The following FSHR variants were observed in gnomAD, a reference collection of about 807,000 sequenced individuals.
The protein encoded by FSHR is follicle-stimulating hormone receptor.
Under a neutral mutation model 52.1 loss-of-function variants are expected in FSHR, and 46 were observed. The observed-to-expected ratio is 0.88, with a 90% CI of 0.70 to 1.13. FSHR has a LOEUF of 1.13. FSHR is among the 50% of genes most tolerant of loss of function. The pLI, the probability that FSHR is intolerant of heterozygous loss-of-function variation, is 0.00. For synonymous variants in FSHR, 399 were observed against 309.6 expected (o/e 1.29, Z -3.03); for missense variants, 964 against 834.6 (o/e 1.16, Z -1.91).
At chr2:49,080,096 AAAAG>A (rs1670111125) in intron 1 of FSHR, among the ~76,000 whole-genome samples, 1 of 152,210 alleles carries the variant, frequency 6.6e-6, no homozygotes, top group South Asian at 2.1e-4. Context: ...ACATGTAAAA[AAAAG>A]AAGATGTTCA....
intron 1 of FSHR, among the ~76,000 whole-genome samples, chr2:49,089,999 T>C (rs1258635059): frequency 6.6e-6 from 1 of 152,200 alleles, no homozygotes; most frequent in Non-Finnish European, 1.5e-5. Flanking sequence ...TGAACTAACA[T>C]TTATTGAAGC....
At chr2:48,978,522 G>C (rs1559089661) in intron 8 of FSHR, among the ~76,000 whole-genome samples, 1 of 152,200 alleles carries the variant, frequency 6.6e-6, no homozygotes, top group Admixed American at 6.5e-5. Flanking sequence ...TAAACCATCA[G>C]AATATGATTG....
chr2:48,971,940 A>G (rs1320785296), intron 8 of FSHR, among the ~76,000 whole-genome samples: 2 of 152,244 alleles, frequency 1.3e-5, no homozygotes, highest in Middle Eastern at 3.4e-3. Flanking sequence ...TCTTTTCTCA[A>G]TCTTCACTTA....
At chr2:49,079,969 GT>G (rs1177767428) in intron 1 of FSHR, among the ~76,000 whole-genome samples, 1 of 152,042 alleles carries the variant, frequency 6.6e-6, no homozygotes, top group East Asian at 1.9e-4. Context: ...ACACATGCCA[GT>G]AAAGTATATA....
chr2:48,990,313 C>A (rs1675710054), intron 5 of FSHR, among the ~76,000 whole-genome samples: 2 of 152,132 alleles, frequency 1.3e-5, no homozygotes, highest in South Asian at 2.1e-4. Flanking sequence ...AAATGAGCCA[C>A]TTTTTGATTT....
At chr2:49,007,635 T>C (rs1384511162) in intron 4 of FSHR, among the ~76,000 whole-genome samples, 2 of 152,122 alleles carry the variant, frequency 1.3e-5, no homozygotes, top group Non-Finnish European at 2.9e-5. Context: ...ACATGAATGA[T>C]GTATTTCCAT....
intron 1 of FSHR, among the ~76,000 whole-genome samples, chr2:49,144,146 C>G (rs1361509242): frequency 6.6e-6 from 1 of 152,112 alleles, no homozygotes; most frequent in Non-Finnish European, 1.5e-5. Context: ...TGCTGGTAGT[C>G]AGGACTTCAT....
intron 8 of FSHR, among the ~76,000 whole-genome samples, chr2:48,975,065 A>C (rs1035856285): frequency 2.0e-5 from 3 of 152,176 alleles, no homozygotes; most frequent in African/African-American, 7.2e-5. Context: ...CACGATAGTT[A>C]ATTTTAGGTG....
chr2:49,012,210 A>G (rs1667302163), intron 4 of FSHR, among the ~76,000 whole-genome samples: 1 of 152,160 alleles, frequency 6.6e-6, no homozygotes, highest in African/African-American at 2.4e-5. Flanking sequence ...CTTTAACAGG[A>G]TGCAAAGGCA....
At chr2:49,037,857 A>G (rs886711688) in intron 2 of FSHR, among the ~76,000 whole-genome samples, 4 of 152,226 alleles carry the variant, frequency 2.6e-5, no homozygotes, top group Admixed American at 2.0e-4. Context: ...TGAAAGAGGA[A>G]GAGGATAAAA....
intron 2 of FSHR, among the ~76,000 whole-genome samples, chr2:49,050,754 C>T (rs1045462906): frequency 2.0e-5 from 3 of 152,154 alleles, no homozygotes; most frequent in African/African-American, 7.2e-5. Flanking sequence ...TTTTAAAAAT[C>T]AACTTTGTTG....
intron 1 of FSHR, among the ~76,000 whole-genome samples, chr2:49,115,936 G>C (rs907144659): frequency 1.2e-4 from 19 of 152,140 alleles, no homozygotes; most frequent in African/African-American, 4.6e-4. Flanking sequence ...AGGGCCTTGT[G>C]GGGACTTGAA....
chr2:49,015,390 T>C (rs1667448907), intron 4 of FSHR, among the ~76,000 whole-genome samples: 1 of 152,224 alleles, frequency 6.6e-6, no homozygotes, highest in Non-Finnish European at 1.5e-5. Context: ...TGGTAGACCT[T>C]GAGTATTTGA....
chr2:49,034,022 A>G (rs1172274695), intron 2 of FSHR, among the ~76,000 whole-genome samples: 1 of 152,176 alleles, frequency 6.6e-6, no homozygotes, highest in Non-Finnish European at 1.5e-5. Flanking sequence ...TGAATTGTAG[A>G]CGTCTCTCAG....
chr2:49,015,074 T>G (rs2104202674), intron 4 of FSHR: 2 of 301,044 alleles, frequency 6.6e-6, no homozygotes, highest in East Asian at 1.9e-4. Flanking sequence ...ATTTGCAAAG[T>G]GTTTTTTTAT....
At chr2:49,038,878 T>C (rs897034798) in intron 2 of FSHR, among the ~76,000 whole-genome samples, 1 of 152,054 alleles carries the variant, frequency 6.6e-6, no homozygotes, top group Admixed American at 6.6e-5. Flanking sequence ...GAATAGAACA[T>C]GTAACTTCCA....
At chr2:49,055,298 T>A (rs1416188504) in intron 2 of FSHR, among the ~76,000 whole-genome samples, 4 of 151,072 alleles carry the variant, frequency 2.6e-5, no homozygotes, top group African/African-American at 9.7e-5. Flanking sequence ...AAAAAATACC[T>A]GAACTTGAAG....
intron 1 of FSHR, among the ~76,000 whole-genome samples, chr2:49,152,732 G>T (rs1026185258): frequency 1.3e-5 from 2 of 152,146 alleles, no homozygotes; most frequent in Non-Finnish European, 2.9e-5. Flanking sequence ...GTCCAGGAGA[G>T]GTGGAAATTA....
At chr2:49,134,312 A>G (rs538140481) in intron 1 of FSHR, among the ~76,000 whole-genome samples, 1 of 152,362 alleles carries the variant, frequency 6.6e-6, no homozygotes, top group East Asian at 1.9e-4. Context: ...ACACAAGAAG[A>G]AATGCTCATC....
Sources: allele counts gnomAD v4.1 joint callset (sites outside exome capture counted in the v4.1 genomes callset), GRCh38; gene constraint gnomAD v4.1.1; transcripts MANE v1.5; gene names NCBI Gene and HGNC (gene_info 2026-07-23, HGNC 2026-07-21).